Variants in NAV2 observed in about 807,000 individuals in gnomAD.
NAV2 encodes the protein helicase, APC down-regulated 1.
Under a neutral mutation model 223.2 loss-of-function variants are expected in NAV2, and 54 were observed. That is an observed-to-expected ratio of 0.24 (90% CI 0.19 to 0.30). The LOEUF is 0.30. Among genes scored for constraint, NAV2 ranks in the 10% least tolerant of loss-of-function variants. NAV2 has a pLI of 1.00. For missense variants in NAV2, 2,806 were observed against 3,147.5 expected, an observed-to-expected ratio of 0.89 and a Z score of 2.60; for synonymous variants, 1,279 against 1,239.3, an observed-to-expected ratio of 1.03 and a Z score of -0.67.
At chr11:19,370,249 C>T (rs1848426579) in intron 1 of NAV2, among the ~76,000 whole-genome samples, 1 of 152,162 alleles carries the variant, frequency 6.6e-6, no homozygotes. Flanking sequence ...ACCAATTTGG[C>T]CTGAATGAGT....
Position 19,936,691 on chromosome 11 carries a change from C to G in NAV2, c.2033+2414C>G, listed in dbSNP as rs139828668. On this transcript the variant is annotated intron_variant, in intron 7 of 37. Coordinates refer to ENST00000349880, the MANE Select transcript of NAV2 (RefSeq NM_145117.5). ...AGGTCTTCGGCACTGGCTGCAGGAA[C>G]AGGTATTGATCGAGTGTGGGTACAG... 2.0e-5 allele frequency among the ~76,000 whole-genome samples: 3 copies of G among 152,320 alleles called. No homozygotes were observed. In the East Asian group the frequency reaches 5.8e-4, roughly 29 times the overall value.
At chr11:19,909,449 C>A (rs146221939) in intron 6 of NAV2, among the ~76,000 whole-genome samples, 1 of 152,162 alleles carries the variant, frequency 6.6e-6, no homozygotes, top group Non-Finnish European at 1.5e-5. Flanking sequence ...ATGCCTGAGA[C>A]GTTTATCTTT....
At chr11:19,649,530 T>C (rs1419531262) in intron 1 of NAV2, among the ~76,000 whole-genome samples, 1 of 152,200 alleles carries the variant, frequency 6.6e-6, no homozygotes, top group East Asian at 1.9e-4. Context: ...GGTTCACAGA[T>C]GGCTGTCTTG....
At chr11:19,618,169 G>T (rs945886879) in intron 1 of NAV2, among the ~76,000 whole-genome samples, 2 of 152,178 alleles carry the variant, frequency 1.3e-5, no homozygotes, top group African/African-American at 4.8e-5. Context: ...ACCTAGAATG[G>T]TGCCTCAAAC....
At chr11:19,984,893 C>A (rs1202119716) in intron 11 of NAV2, among the ~76,000 whole-genome samples, 1 of 152,192 alleles carries the variant, frequency 6.6e-6, no homozygotes, top group South Asian at 2.1e-4. Flanking sequence ...CCCTGAGCAA[C>A]CGATGAAGTG....
chr11:20,065,743 T>A (rs1266105018), intron 20 of NAV2, among the ~76,000 whole-genome samples: 1 of 152,192 alleles, frequency 6.6e-6, no homozygotes, highest in East Asian at 1.9e-4. Flanking sequence ...TTAGGGCCTG[T>A]CGATAGAAGT....
intron 11 of NAV2, among the ~76,000 whole-genome samples, chr11:19,986,430 G>A (rs1391987370): frequency 2.0e-5 from 3 of 152,164 alleles, no homozygotes; most frequent in Admixed American, 6.5e-5. Context: ...GACCAGCCTG[G>A]CAAACATGAT....
At chr11:19,869,067 A>C in intron 4 of NAV2, 70 bp downstream of exon 4, 3 of 1,401,818 alleles carry the variant, frequency 2.1e-6, no homozygotes, top group Admixed American at 3.4e-5. Context: ...CTTATGAATG[A>C]TATTAACACC....
intron 6 of NAV2, among the ~76,000 whole-genome samples, chr11:19,901,266 G>T (rs557273025): frequency 2.6e-5 from 4 of 152,230 alleles, no homozygotes; most frequent in Non-Finnish European, 5.9e-5. Flanking sequence ...AACACTGCCT[G>T]CCGGGCATGA....
chr11:19,664,790 A>G (rs999270631), intron 1 of NAV2, among the ~76,000 whole-genome samples: 1 of 152,230 alleles, frequency 6.6e-6, no homozygotes, highest in East Asian at 1.9e-4. Flanking sequence ...CACCTCCCAA[A>G]TGAAGGAGAG....
At chr11:19,950,320 C>G (rs1274035017) in intron 10 of NAV2, among the ~76,000 whole-genome samples, 2 of 152,210 alleles carry the variant, frequency 1.3e-5, no homozygotes, top group Non-Finnish European at 2.9e-5. Flanking sequence ...CTTTTATACT[C>G]TCTTGTTCTA....
chr11:19,787,950 CCT>C (rs1342814782), intron 1 of NAV2, among the ~76,000 whole-genome samples: 6 of 152,222 alleles, frequency 3.9e-5, no homozygotes, highest in Non-Finnish European at 7.3e-5. Flanking sequence ...TGTACTCTCT[CCT>C]CTCCAAAAGA....
intron 1 of NAV2, among the ~76,000 whole-genome samples, chr11:19,370,426 G>T (rs1848431602): frequency 6.6e-6 from 1 of 152,206 alleles, no homozygotes; most frequent in African/African-American, 2.4e-5. Flanking sequence ...CCTAGGTCCA[G>T]CTATTGTGCA....
At chr11:19,823,011 C>T (rs2059458634) in intron 1 of NAV2, among the ~76,000 whole-genome samples, 1 of 152,128 alleles carries the variant, frequency 6.6e-6, no homozygotes, top group African/African-American at 2.4e-5. Context: ...GGAAAAGTTC[C>T]AGCATGGCTC....
intron 1 of NAV2, among the ~76,000 whole-genome samples, chr11:19,359,171 A>G (rs546430319): frequency 6.6e-6 from 1 of 152,334 alleles, no homozygotes; most frequent in Non-Finnish European, 1.5e-5. Context: ...TTTCTTAGAA[A>G]GGAGAAGATT....
chr11:19,424,369 T>C (rs184718851), intron 1 of NAV2, among the ~76,000 whole-genome samples: 1 of 152,274 alleles, frequency 6.6e-6, no homozygotes, highest in Admixed American at 6.5e-5. Flanking sequence ...TTCCAGAAGG[T>C]TGGGCTGAAA....
chr11:19,430,265 G>A (rs529888675), intron 1 of NAV2, among the ~76,000 whole-genome samples: 1 of 152,204 alleles, frequency 6.6e-6, no homozygotes, highest in Non-Finnish European at 1.5e-5. Flanking sequence ...CACCTTTGCT[G>A]GGGCAGTTTC....
chr11:19,592,228 G>A (rs191118875), intron 1 of NAV2, among the ~76,000 whole-genome samples: 11 of 152,090 alleles, frequency 7.2e-5, no homozygotes, highest in Admixed American at 2.0e-4. Flanking sequence ...TCACATACCA[G>A]CTGCTTCAGC....
intron 1 of NAV2, among the ~76,000 whole-genome samples, chr11:19,382,499 C>T (rs1421600890): frequency 1.3e-5 from 2 of 152,186 alleles, no homozygotes; most frequent in African/African-American, 4.8e-5. Context: ...TCCGGCAGCC[C>T]ACTTATAGGC....
Sources: allele counts gnomAD v4.1 joint callset (sites outside exome capture counted in the v4.1 genomes callset), GRCh38; gene constraint gnomAD v4.1.1; transcripts MANE v1.5; gene names NCBI Gene and HGNC (gene_info 2026-07-23, HGNC 2026-07-21).